The following LRRC28 variants were observed in gnomAD, a reference collection of about 807,000 sequenced individuals.
LRRC28 encodes the protein leucine-rich repeat-containing protein 28.
LRRC28 carries 39 observed loss-of-function variants against 45.7 expected under a neutral mutation model. The observed-to-expected ratio is 0.85, with a 90% CI of 0.66 to 1.12. The LOEUF (loss-of-function observed/expected upper bound fraction) is 1.12, where lower values mean the gene tolerates loss of function less well. LRRC28 is among the 50% of genes most tolerant of loss of function. The pLI is 0.00. For missense variants in LRRC28, 435 were observed against 438.5 expected, an observed-to-expected ratio of 0.99 and a Z score of 0.07; for synonymous variants, 206 against 178.8, an observed-to-expected ratio of 1.15 and a Z score of -1.22.
chr15:99,297,860 G>A (rs1173660961), intron 5 of LRRC28, among the ~76,000 whole-genome samples: 2 of 151,748 alleles, frequency 1.3e-5, no homozygotes, highest in Non-Finnish European at 2.9e-5. Context: ...TGAAAATTTG[G>A]CAAAACCTTA....
chr15:99,341,846 T>A (rs1956523785), intron 6 of LRRC28, among the ~76,000 whole-genome samples: 1 of 152,210 alleles, frequency 6.6e-6, no homozygotes, highest in Non-Finnish European at 1.5e-5. Context: ...TAGTGAAGTC[T>A]GGAAGATGTT....
chr15:99,276,015 C>A (rs1268459593), intron 2 of LRRC28, among the ~76,000 whole-genome samples: 1 of 152,040 alleles, frequency 6.6e-6, no homozygotes, highest in African/African-American at 2.4e-5. Flanking sequence ...TCAGCAGCAG[C>A]ATTAGATTCT....
At chr15:99,269,433 C>CA (rs1228162752) in intron 2 of LRRC28, among the ~76,000 whole-genome samples, 1 of 150,972 alleles carries the variant, frequency 6.6e-6, no homozygotes, top group African/African-American at 2.4e-5. Context: ...TTTTTGGAGA[C>CA]AGAGTTTTCA....
chr15:99,363,643 A>C (rs374665115), intron 9 of LRRC28, among the ~76,000 whole-genome samples: 7 of 152,232 alleles, frequency 4.6e-5, no homozygotes, highest in African/African-American at 1.7e-4. Flanking sequence ...CTAACTGAAA[A>C]TGTGTGATTG....
rs577863249 is a variant in LRRC28, at chr15:99,288,422, G to A, written c.385+471G>A. 1.5e-4 allele frequency among the ~76,000 whole-genome samples: 18 copies of A among 121,594 alleles called. No homozygotes were observed. The South Asian group carries it at 3.4e-3, about 23-fold the overall frequency. 79.8% of individuals were successfully genotyped at this position (121,594 alleles called of 152,430 possible). On this transcript the variant is annotated intron_variant, in intron 5 of 9. Coordinates refer to ENST00000301981, the MANE Select transcript of LRRC28 (RefSeq NM_144598.5). ...TTTTGAGATAGAGTCTTGCCCTGTC[G>A]TCAGGCTGGAGTGCAGTGGCACAAT...
chr15:99,287,361 AAAT>A, intron 4 of LRRC28, 67 bp downstream of exon 4: 1 of 1,221,984 alleles, frequency 8.2e-7, no homozygotes, highest in Non-Finnish European at 1.1e-6. Flanking sequence ...TAAATAGATC[AAAT>A]TTTATTTTTA....
In LRRC28 at chr15:99,313,190, G is replaced by A. The variant is rs556961606; in HGVS notation, c.386-20733G>A. Among the ~76,000 whole-genome samples the A allele has an allele frequency of 4.6e-5, 7 of 152,044 alleles. No homozygotes were observed. The East Asian group carries it at 1.2e-3, about 25-fold the overall frequency. ...ACAAGAAATATTGGAACTAAACAAG[G>A]ACAATTTATAATGATAAAAGGATCA... On this transcript the variant is annotated intron_variant, in intron 5 of 9. Coordinates refer to ENST00000301981, the MANE Select transcript of LRRC28 (RefSeq NM_144598.5).
At chr15:99,344,706 A>G (rs775437760) in intron 6 of LRRC28, among the ~76,000 whole-genome samples, 4 of 152,234 alleles carry the variant, frequency 2.6e-5, no homozygotes, top group Non-Finnish European at 5.9e-5. Context: ...AGACTAAACT[A>G]TGTAAGAAGT....
intron 5 of LRRC28, among the ~76,000 whole-genome samples, chr15:99,296,733 T>TGTGCTAGAGAAA (rs1367365538): frequency 6.6e-6 from 1 of 152,208 alleles, no homozygotes; most frequent in Non-Finnish European, 1.5e-5. Context: ...TGCCATGCTA[T>TGTGCTAGAGAAA]GTGCTAGAGA....
chr15:99,269,452 G>A (rs2081416199), intron 2 of LRRC28, among the ~76,000 whole-genome samples: 1 of 151,748 alleles, frequency 6.6e-6, no homozygotes, highest in Non-Finnish European at 1.5e-5. Flanking sequence ...CACCCAGGCT[G>A]GAGTGCAGTG....
At chr15:99,288,094 T>A in intron 5 of LRRC28, 143 bp downstream of exon 5, 1 of 783,922 alleles carries the variant, frequency 1.3e-6, no homozygotes, top group Non-Finnish European at 1.8e-6. Context: ...AAAGAATGGG[T>A]GAAATATTAC....
intron 5 of LRRC28, among the ~76,000 whole-genome samples, chr15:99,289,900 T>G (rs1228925475): frequency 2.5e-5 from 3 of 119,760 alleles, no homozygotes; most frequent in Non-Finnish European, 4.8e-5. Flanking sequence ...GCCACTGCAG[T>G]CCGCAGTCCG....
chr15:99,255,854 G>A (rs1410243872), intron 1 of LRRC28, 44 bp from the exon 2 acceptor site: 3 of 1,320,886 alleles, frequency 2.3e-6, no homozygotes, highest in African/African-American at 3.0e-5. Context: ...GGCAATTCTT[G>A]TAAAAAATCT....
At chr15:99,279,569 C>T (rs893000804) in intron 3 of LRRC28, among the ~76,000 whole-genome samples, 1 of 152,188 alleles carries the variant, frequency 6.6e-6, no homozygotes, top group Non-Finnish European at 1.5e-5. Context: ...CTAACGTGGT[C>T]CTACCCCCTT....
At chr15:99,259,100 G>A (rs2081114689) in intron 2 of LRRC28, 5 of 1,258,660 alleles carry the variant, frequency 4.0e-6, no homozygotes, top group Admixed American at 1.7e-5. Flanking sequence ...TAAGCTTGGT[G>A]TAATTGAAGA....
chr15:99,328,201 C>T (rs1468710651), intron 5 of LRRC28, among the ~76,000 whole-genome samples: 3 of 152,164 alleles, frequency 2.0e-5, no homozygotes, highest in Admixed American at 1.3e-4. Context: ...TCTTAGATGT[C>T]AAATTAGGTC....
rs115980044 is a variant in LRRC28, at chr15:99,265,565, C to T, written c.168+9440C>T. Among the ~76,000 whole-genome samples, 115 of 152,242 alleles carry T rather than the reference C, an allele frequency of 7.6e-4. 1 individual carries two copies. The highest frequency in any genetic ancestry group is 2.6e-3 in the African/African-American group (110 of 41,542). On this transcript the variant is annotated intron_variant, in intron 2 of 9. Transcript: ENST00000301981. The stretch of plus-strand genomic sequence containing the variant: ...TAGAGCCTTACAACCTTCCCTGCAT[C>T]GGTCCCTGTGGTCTTTGTAAGAAGG...
chr15:99,336,142 T>G (rs1179226088), intron 6 of LRRC28, among the ~76,000 whole-genome samples: 1 of 152,240 alleles, frequency 6.6e-6, no homozygotes, highest in East Asian at 1.9e-4. Context: ...GTAAGAATAA[T>G]AATAGCTACC....
intron 5 of LRRC28, among the ~76,000 whole-genome samples, chr15:99,289,275 T>TA (rs1032199352): frequency 6.6e-6 from 1 of 152,162 alleles, no homozygotes; most frequent in African/African-American, 2.4e-5. Context: ...ATAAAAAACT[T>TA]ATGCTTCAGG....
Sources: allele counts gnomAD v4.1 joint callset (sites outside exome capture counted in the v4.1 genomes callset), GRCh38; gene constraint gnomAD v4.1.1; transcripts MANE v1.5; gene names NCBI Gene and HGNC (gene_info 2026-07-23, HGNC 2026-07-21).